The following PRTG variants were observed in gnomAD, a reference collection of about 807,000 sequenced individuals.
The protein encoded by PRTG is protogenin, also known as immunoglobulin superfamily, DCC subclass, member 5.
A neutral mutation model predicts 122.5 loss-of-function variants in PRTG; 67 were observed. The ratio of observed to expected loss-of-function variants is 0.55; its 90% confidence interval spans 0.45 to 0.67. The LOEUF is 0.67. Ranked by LOEUF, PRTG falls within the 30% of genes least tolerant of loss-of-function variation. The pLI, the probability that PRTG is intolerant of heterozygous loss-of-function variation, is 0.00. For synonymous variants in PRTG, 554 were observed against 501.1 expected (o/e 1.11, Z -1.41); for missense variants, 1,435 against 1,415.4 (o/e 1.01, Z -0.22).
At chr15:55,719,078 T>A (rs773116185) in intron 2 of PRTG, among the ~76,000 whole-genome samples, 16 of 152,166 alleles carry the variant, frequency 1.1e-4, no homozygotes, top group Non-Finnish European at 2.1e-4. Context: ...TTCATACACA[T>A]ATATAACTGG....
intron 13 of PRTG, 116 bp downstream of exon 13, chr15:55,639,526 G>T: frequency 1.2e-6 from 1 of 812,620 alleles, no homozygotes; most frequent in Non-Finnish European, 1.9e-6. Flanking sequence ...CTTAAGTCCT[G>T]AAACAAATGC....
At chr15:55,703,196 C>T (rs570580208) in intron 2 of PRTG, among the ~76,000 whole-genome samples, 8 of 152,318 alleles carry the variant, frequency 5.3e-5, no homozygotes, top group African/African-American at 1.7e-4. Context: ...ATTTTTACCA[C>T]TATTGAGTGC....
At chr15:55,649,049 A>T (rs2059339341) in intron 11 of PRTG, among the ~76,000 whole-genome samples, 1 of 151,760 alleles carries the variant, frequency 6.6e-6, no homozygotes, top group Admixed American at 6.6e-5. Context: ...GAGACCCGAG[A>T]TCACGCCACT....
intron 11 of PRTG, among the ~76,000 whole-genome samples, chr15:55,645,162 G>A (rs1043413419): frequency 1.7e-4 from 26 of 152,122 alleles, no homozygotes; most frequent in Non-Finnish European, 3.4e-4. Flanking sequence ...GGGGCCGGGC[G>A]CGGTGGCTCA....
intron 15 of PRTG, among the ~76,000 whole-genome samples, chr15:55,629,369 ATATATATGTG>A (rs1472073113): frequency 7.9e-4 from 27 of 34,372 alleles, no homozygotes; most frequent in South Asian, 7.1e-3. Context: ...GTATATATAT[ATATATATGTG>A]TGTGTGTGTG....
rs1187421356 is a variant in PRTG, at chr15:55,618,121, A to G, written c.*1891T>C. ...TGCTTTTTTGTTTGTTTTGCGATGA[A>G]TTCCGTACTTAGATAACTAACTGGG... On this transcript the variant is annotated 3_prime_UTR_variant, in exon 20 of 20. Transcript: ENST00000389286. The G allele has an allele frequency of 6.6e-6, 1 of 152,206 alleles. No individual in the cohort carries two copies. Among genetic ancestry groups the G allele is most frequent in the African/African-American group, 2.4e-5 (1 of 41,462 alleles). 9.4% of individuals were successfully genotyped at this position (152,206 alleles called of 1,614,324 possible).
In PRTG at chr15:55,613,691, A is replaced by C. The variant is rs897472921; in HGVS notation, c.*6321T>G. 1 of 151,240 alleles carries C rather than the reference A, an allele frequency of 6.6e-6. No homozygotes were observed. The highest frequency in any genetic ancestry group is 2.4e-5 in the African/African-American group (1 of 41,242). 9.4% of individuals were successfully genotyped at this position (151,240 alleles called of 1,614,324 possible). ...TTCTGACACAACCTGGCTTTTGTGG[A>C]TACAAGGAAAAAACAGTTGTATCTG... On this transcript the variant is annotated 3_prime_UTR_variant, in exon 20 of 20. Transcript: ENST00000389286.
chr15:55,631,309 A>T (rs1595605252), intron 15 of PRTG, among the ~76,000 whole-genome samples: 1 of 152,348 alleles, frequency 6.6e-6, no homozygotes, highest in South Asian at 2.1e-4. Flanking sequence ...TCACAAACAG[A>T]TATAAATAAA....
At chr15:55,641,957 G>A (rs1388631152) in intron 11 of PRTG, among the ~76,000 whole-genome samples, 1 of 149,176 alleles carries the variant, frequency 6.7e-6, no homozygotes, top group Admixed American at 6.6e-5. Context: ...GGTGGATCAT[G>A]AGGTCAGGAG....
chr15:55,714,201 A>ATCTCTCTCTC (rs1357049500), intron 2 of PRTG, among the ~76,000 whole-genome samples: 2 of 75,860 alleles, frequency 2.6e-5, no homozygotes, highest in Non-Finnish European at 6.1e-5. Context: ...CTATCTATTT[A>ATCTCTCTCTC]TCTGTCTCTC....
intron 2 of PRTG, among the ~76,000 whole-genome samples, chr15:55,693,783 C>T (rs1025455441): frequency 6.6e-6 from 1 of 152,144 alleles, no homozygotes; most frequent in Non-Finnish European, 1.5e-5. Flanking sequence ...TACCCAGGCA[C>T]TGCTTGTTAC....
Position 55,742,784 on chromosome 15 carries a change from C to G in PRTG, c.94+54G>C, listed in dbSNP as rs2031655441. 2.0e-6 allele frequency: 3 copies of G among 1,535,878 alleles called. No homozygotes were observed. In the South Asian group the frequency reaches 3.6e-5, roughly 18 times the overall value. ...TCGTTTCCTCTTTCCCCATCCCACT[C>G]GCGCCCGCTCCCGCCCCACAGCGGT... On this transcript the variant is annotated intron_variant, in intron 1 of 19. Coordinates refer to ENST00000389286, the MANE Select transcript of PRTG (RefSeq NM_173814.6).
At chr15:55,715,808 G>C (rs1468102861) in intron 2 of PRTG, among the ~76,000 whole-genome samples, 1 of 152,128 alleles carries the variant, frequency 6.6e-6, no homozygotes, top group Non-Finnish European at 1.5e-5. Context: ...GACTTGACTT[G>C]GTCTCTCAGC....
At chr15:55,660,042 T>C (rs532488473) in intron 11 of PRTG, among the ~76,000 whole-genome samples, 2 of 152,210 alleles carry the variant, frequency 1.3e-5, no homozygotes, top group Non-Finnish European at 2.9e-5. Flanking sequence ...CACATACTCA[T>C]TATATATATC....
intron 2 of PRTG, among the ~76,000 whole-genome samples, chr15:55,709,140 T>A (rs1156901018): frequency 2.9e-4 from 24 of 81,940 alleles, no homozygotes; most frequent in African/African-American, 1.2e-3. Context: ...GGTGGGACTC[T>A]GTCTCAAAAA....
intron 7 of PRTG, among the ~76,000 whole-genome samples, chr15:55,678,999 T>C (rs1200544221): frequency 6.6e-6 from 1 of 152,210 alleles, no homozygotes; most frequent in Non-Finnish European, 1.5e-5. Context: ...AACTTAACTC[T>C]AGTGGTGGCT....
intron 2 of PRTG, among the ~76,000 whole-genome samples, chr15:55,719,968 G>A (rs2030750293): frequency 6.6e-6 from 1 of 152,132 alleles, no homozygotes; most frequent in African/African-American, 2.4e-5. Flanking sequence ...GCTGAGGCAA[G>A]AGAACTGCTT....
chr15:55,620,147 A>C lies in PRTG; in HGVS notation c.3318T>G (p.Gly1106=). 6.2e-7 allele frequency: 1 copy of C among 1,614,192 alleles called. No individual in the cohort carries two copies. The highest frequency in any genetic ancestry group is 8.5e-7 in the Non-Finnish European group (1 of 1,180,040). Residue 1106 remains glycine, a synonymous_variant, in exon 20 of 20, where the codon GGT becomes GGG. Transcript: ENST00000389286. The part of the protein sequence containing the change: ...GQTTSFSRPF[G]VAADTEHSAN... Reference sequence around the variant, plus strand: ...CTGAATGTTCTGTATCAGCTGCAACACCAAAGGGTCTTGAGAAGCTGGTTG... The same window carrying C: ...CTGAATGTTCTGTATCAGCTGCAACCCCAAAGGGTCTTGAGAAGCTGGTTG...
intron 2 of PRTG, among the ~76,000 whole-genome samples, chr15:55,734,923 C>T (rs1473095672): frequency 6.6e-6 from 1 of 152,158 alleles, no homozygotes; most frequent in African/African-American, 2.4e-5. Context: ...CTTTTTTGTA[C>T]ACTGCAATTA....
Sources: gnomAD v4.1 joint callset for allele counts (sites outside exome capture counted in the v4.1 genomes callset) on GRCh38, gnomAD v4.1.1 for gene constraint, MANE v1.5 for transcripts, NCBI Gene and HGNC (gene_info 2026-07-23, HGNC 2026-07-21) for gene names.